Variants in EEF1E1 observed in about 807,000 individuals in gnomAD.
EEF1E1 encodes the protein eukaryotic translation elongation factor 1 epsilon 1, also known as eukaryotic translation elongation factor 1 epsilon-1.
In EEF1E1, 19 loss-of-function variants were observed where a neutral mutation model predicts 19.9. The observed-to-expected ratio is 0.95, with a 90% confidence interval of 0.66 to 1.40. The LOEUF (loss-of-function observed/expected upper bound fraction) is 1.40, where lower values mean the gene tolerates loss of function less well. Among genes scored for constraint, EEF1E1 ranks in the 40% most tolerant of loss-of-function variants. The pLI, the probability that EEF1E1 is intolerant of heterozygous loss-of-function variation, is 0.00. For synonymous variants in EEF1E1, 81 were observed against 80.0 expected (o/e 1.01, Z -0.07); for missense variants, 198 against 202.2 (o/e 0.98, Z 0.13).
intron 1 of EEF1E1, chr6:8,101,970 G>C: frequency 8.0e-7 from 1 of 1,248,206 alleles, no homozygotes; most frequent in South Asian, 1.3e-5. Flanking sequence ...CCTGAGAGGA[G>C]GAAGCATGTT....
intron 2 of EEF1E1, among the ~76,000 whole-genome samples, chr6:8,096,799 C>G (rs1758187639): frequency 6.6e-6 from 1 of 152,018 alleles, no homozygotes; most frequent in African/African-American, 2.4e-5. Context: ...CAATGATTCT[C>G]AAAACAGGGA....
intron 3 of EEF1E1, among the ~76,000 whole-genome samples, chr6:8,089,105 C>T (rs575817640): frequency 8.6e-5 from 13 of 151,994 alleles, no homozygotes; most frequent in African/African-American, 2.9e-4. Flanking sequence ...GGCCAAGAGC[C>T]GGGAACTTAC....
At chr6:8,084,792 A>G (rs1480649953) in intron 3 of EEF1E1, among the ~76,000 whole-genome samples, 2 of 152,220 alleles carry the variant, frequency 1.3e-5, no homozygotes, top group Non-Finnish European at 2.9e-5. Flanking sequence ...TTGGGTAGCC[A>G]TGCTCACAGC....
intron 3 of EEF1E1, among the ~76,000 whole-genome samples, chr6:8,087,482 T>C (rs1438292119): frequency 6.6e-6 from 1 of 152,142 alleles, no homozygotes; most frequent in Non-Finnish European, 1.5e-5. Context: ...CCTCCCAAAG[T>C]GCTGGGATTA....
chr6:8,101,808 C>G (rs1758373768), intron 1 of EEF1E1: 2 of 1,289,300 alleles, frequency 1.6e-6, no homozygotes, highest in East Asian at 5.5e-5. Flanking sequence ...AACACTTAAA[C>G]TGATAATCCA....
intron 1 of EEF1E1, among the ~76,000 whole-genome samples, chr6:8,097,892 A>G (rs2113665564): frequency 6.6e-6 from 1 of 152,344 alleles, no homozygotes; most frequent in South Asian, 2.1e-4. Context: ...ATAAAGGATC[A>G]GGTTTGCTTG....
chr6:8,081,278 T>A (rs1045772226), intron 3 of EEF1E1, among the ~76,000 whole-genome samples: 1 of 152,236 alleles, frequency 6.6e-6, no homozygotes, highest in Non-Finnish European at 1.5e-5. Flanking sequence ...TTCATCTTGT[T>A]TAAGGTTGTG....
At chr6:8,083,430 A>G (rs1365603600) in intron 3 of EEF1E1, among the ~76,000 whole-genome samples, 2 of 152,234 alleles carry the variant, frequency 1.3e-5, no homozygotes, top group East Asian at 1.9e-4. Context: ...GCAGCACATA[A>G]TATTACAAAG....
chr6:8,079,768 A>C lies in EEF1E1; in HGVS notation c.*122T>G. The C allele has an allele frequency of 1.5e-6, 2 of 1,348,712 alleles. No individual in the cohort carries two copies. Among genetic ancestry groups the C allele is most frequent in the Non-Finnish European group, 1.9e-6 (2 of 1,045,898 alleles). 83.5% of individuals were successfully genotyped at this position (1,348,712 alleles called of 1,614,324 possible). On this transcript the variant is annotated 3_prime_UTR_variant, in exon 4 of 4. Transcript: ENST00000379715. ...TTCAGACACAAGTTTACACTTCAAAAATTCTATCAACTTCAACAAATAATG... is the reference window on the plus strand; with the variant it reads ...TTCAGACACAAGTTTACACTTCAAACATTCTATCAACTTCAACAAATAATG...
At chr6:8,074,829 A>G (rs1056102422), downstream of EEF1E1, among the ~76,000 whole-genome samples, 2 of 152,192 alleles carry the variant, frequency 1.3e-5, no homozygotes, top group Admixed American at 6.5e-5. Context: ...GGTGGTACCA[A>G]GTAATACCTG....
At position 8,090,194 on chromosome 6, in the gene EEF1E1, G is replaced by A. The variant is rs1446430115; in HGVS notation, c.376C>T (p.Arg126Cys). 9 of 1,525,412 alleles carry A rather than the reference G, an allele frequency of 5.9e-6. No homozygotes were observed. The highest frequency in any genetic ancestry group is 5.0e-5 in the East Asian group (2 of 40,006). The allele number at this position is 1,525,412 out of a possible 1,614,324, so 94.5% of individuals were successfully genotyped here. The change falls in exon 3 of 4, where the codon CGC (arginine) becomes TGC (cysteine). Residue 126 changes from arginine to cysteine, a missense_variant. Arg to Cys is a radical substitution (Grantham distance 180). Coordinates refer to ENST00000379715, the MANE Select transcript of EEF1E1 (RefSeq NM_004280.5). ...ACTATACAAATACTCACTATAAAGC[G>A]ATGAAGTCCATAGTACAATAGTATA... ...ADILLYYGLH[R>C]FIVDLTVQEK...
At chr6:8,081,127 G>A (rs781224135) in intron 3 of EEF1E1, among the ~76,000 whole-genome samples, 6 of 152,204 alleles carry the variant, frequency 3.9e-5, no homozygotes, top group Non-Finnish European at 8.8e-5. Flanking sequence ...ATTTGGACTC[G>A]TATTTGTTGG....
chr6:8,094,569 TA>T (rs199734021), intron 2 of EEF1E1, among the ~76,000 whole-genome samples: 27,777 of 139,384 alleles, frequency 0.2, 2,653 homozygotes, highest in Admixed American at 0.27. Flanking sequence ...AGACTCTATT[TA>T]AAAAAAAAAA....
intron 1 of EEF1E1, among the ~76,000 whole-genome samples, chr6:8,101,351 A>G (rs1173979311): frequency 3.6e-5 from 5 of 138,896 alleles, no homozygotes; most frequent in Non-Finnish European, 6.0e-5. Context: ...TTTATACTAC[A>G]TATATATTAT....
chr6:8,079,640 T>C lies in EEF1E1; in HGVS notation c.*250A>G. On this transcript the variant is annotated 3_prime_UTR_variant, in exon 4 of 4. Transcript: ENST00000379715. Reference sequence around the variant, plus strand: ...AACTTTTATTGAAATAAATGTCATCTACTAAAAACAAGGTTAATTTATAAC... The same window carrying C: ...AACTTTTATTGAAATAAATGTCATCCACTAAAAACAAGGTTAATTTATAAC... 8.7e-7 allele frequency: 1 copy of C among 1,148,922 alleles called. No individual in the cohort carries two copies. The highest frequency in any genetic ancestry group is 1.1e-6 in the Non-Finnish European group (1 of 932,416). 71.2% of individuals were successfully genotyped at this position (1,148,922 alleles called of 1,614,324 possible).
At chr6:8,083,154 A>G (rs897646761) in intron 3 of EEF1E1, among the ~76,000 whole-genome samples, 1 of 152,180 alleles carries the variant, frequency 6.6e-6, no homozygotes, top group African/African-American at 2.4e-5. Context: ...CCAAGCAGAT[A>G]ATATTCTGAA....
intron 1 of EEF1E1, among the ~76,000 whole-genome samples, chr6:8,100,311 C>G (rs974124745): frequency 2.0e-5 from 3 of 152,152 alleles, no homozygotes; most frequent in African/African-American, 7.2e-5. Flanking sequence ...CCCTTAAATG[C>G]CAGCTCTTCC....
chr6:8,084,338 G>A (rs896325617), intron 3 of EEF1E1, among the ~76,000 whole-genome samples: 8 of 152,194 alleles, frequency 5.3e-5, no homozygotes, highest in Non-Finnish European at 1.2e-4. Context: ...TAACTTTGCA[G>A]CTAGTGCTAT....
Position 8,090,241 on chromosome 6 carries a change from C to T in EEF1E1, c.329G>A (p.Gly110Glu). Residue 110 changes from glycine (G) to glutamate (E), a missense_variant, in exon 3 of 4, where the codon GGG (glycine) becomes GAG (glutamate). Physicochemically the swap from Gly to Glu is moderately conservative, Grantham distance 98 (BLOSUM62 -2). Transcript: ENST00000379715. ...TATATCTGCTAATGTAAAGTTATACCCTGTAAGGTAGACTTTATCTTCAAG... is the reference window on the plus strand; with the variant it reads ...TATATCTGCTAATGTAAAGTTATACTCTGTAAGGTAGACTTTATCTTCAAG... ...SYLEDKVYLTGYNFTLADILL... is the reference protein window; with the variant it reads ...SYLEDKVYLTEYNFTLADILL... The T allele has an allele frequency of 1.3e-6, 2 of 1,501,078 alleles. No homozygotes were observed. The highest frequency in any genetic ancestry group is 1.5e-5 in the African/African-American group (1 of 68,566). The allele number at this position is 1,501,078 out of a possible 1,614,324, so 93.0% of individuals were successfully genotyped here.
Sources: allele counts gnomAD v4.1 joint callset (sites outside exome capture counted in the v4.1 genomes callset), GRCh38; gene constraint gnomAD v4.1.1; transcripts MANE v1.5; gene names NCBI Gene and HGNC (gene_info 2026-07-23, HGNC 2026-07-21).